EFNA5: variants seen among roughly 807,000 people sequenced by gnomAD.
EFNA5 encodes the protein ephrin A5.
In EFNA5, 5 loss-of-function variants were observed where a neutral mutation model predicts 22.9. The observed-to-expected ratio is 0.22, with a 90% confidence interval of 0.11 to 0.46. The LOEUF (loss-of-function observed/expected upper bound fraction) is 0.46. Ranked by LOEUF, EFNA5 falls within the 20% of genes least tolerant of loss-of-function variation. The pLI, the probability that EFNA5 is intolerant of heterozygous loss-of-function variation, is 0.99. For missense variants in EFNA5, 237 were observed against 293.3 expected, an observed-to-expected ratio of 0.81 and a Z score of 1.40; for synonymous variants, 113 against 112.2, an observed-to-expected ratio of 1.01 and a Z score of -0.04.
At chr5:107,415,615 T>G (rs1211840549) in intron 2 of EFNA5, among the ~76,000 whole-genome samples, 1 of 152,176 alleles carries the variant, frequency 6.6e-6, no homozygotes, top group Non-Finnish European at 1.5e-5. Flanking sequence ...CAAGATCCCC[T>G]CTGTGTAAAA....
chr5:107,497,377 A>C (rs186073281), intron 1 of EFNA5, among the ~76,000 whole-genome samples: 1 of 152,362 alleles, frequency 6.6e-6, no homozygotes, highest in African/African-American at 2.4e-5. Flanking sequence ...CACATCTAGA[A>C]GGTAAACGGA....
At chr5:107,557,478 A>G (rs1273795412) in intron 1 of EFNA5, among the ~76,000 whole-genome samples, 1 of 152,236 alleles carries the variant, frequency 6.6e-6, no homozygotes, top group East Asian at 1.9e-4. Flanking sequence ...GTTGACAGGA[A>G]TTCCGAGACT....
At chr5:107,567,970 C>T (rs1748695864) in intron 1 of EFNA5, among the ~76,000 whole-genome samples, 1 of 152,172 alleles carries the variant, frequency 6.6e-6, no homozygotes, top group Non-Finnish European at 1.5e-5. Flanking sequence ...GATCATGGCT[C>T]ACTGCAGCCT....
At chr5:107,500,036 C>T (rs548698415) in intron 1 of EFNA5, among the ~76,000 whole-genome samples, 7 of 152,322 alleles carry the variant, frequency 4.6e-5, no homozygotes, top group African/African-American at 9.6e-5. Context: ...CAGCACAAAG[C>T]AGTTGTGATT....
At chr5:107,469,980 C>A (rs562515085) in intron 1 of EFNA5, among the ~76,000 whole-genome samples, 29 of 151,978 alleles carry the variant, frequency 1.9e-4, no homozygotes, top group Admixed American at 1.8e-3. Flanking sequence ...AGTGTTAATG[C>A]GAACACCGTT....
intron 2 of EFNA5, among the ~76,000 whole-genome samples, chr5:107,406,937 T>A (rs530547841): frequency 2.0e-5 from 3 of 152,272 alleles, no homozygotes; most frequent in South Asian, 4.1e-4. Context: ...AAAAGTGAAA[T>A]AAAAAGTCTA....
intron 1 of EFNA5, among the ~76,000 whole-genome samples, chr5:107,515,282 C>T (rs1373436632): frequency 6.6e-6 from 1 of 152,044 alleles, no homozygotes; most frequent in Non-Finnish European, 1.5e-5. Flanking sequence ...AGTGATCCGC[C>T]TGCCTCAGCC....
chr5:107,569,702 AT>A lies in EFNA5; in HGVS notation c.125+100786del, dbSNP rs1350165666. Among the ~76,000 whole-genome samples the A allele has an allele frequency of 1.6e-4, 24 of 148,278 alleles. 1 individual carries two copies. The highest frequency in any genetic ancestry group is 1.0e-3 in the Admixed American group (15 of 14,774). ...CCATCTCTACTAAAAATACAAAAAA[AT>A]TAGCCAGGCATGGTGGCATGTGCCT... is the stretch of plus-strand genomic sequence containing the variant. On this transcript the variant is annotated intron_variant, in intron 1 of 4. Coordinates refer to ENST00000333274, the MANE Select transcript of EFNA5 (RefSeq NM_001962.3).
chr5:107,433,920 G>C (rs1037787268), intron 1 of EFNA5, among the ~76,000 whole-genome samples: 1 of 150,094 alleles, frequency 6.7e-6, no homozygotes, highest in Non-Finnish European at 1.5e-5. Context: ...AAAAAAAATT[G>C]CTCCCTGTAC....
intron 1 of EFNA5, among the ~76,000 whole-genome samples, chr5:107,558,206 C>T (rs1380266784): frequency 1.3e-5 from 2 of 151,986 alleles, no homozygotes; most frequent in Non-Finnish European, 2.9e-5. Context: ...AAGCCTAAAA[C>T]TCAAGTTTTA....
intron 1 of EFNA5, among the ~76,000 whole-genome samples, chr5:107,551,866 T>C (rs960014552): frequency 6.6e-6 from 1 of 152,092 alleles, no homozygotes; most frequent in Non-Finnish European, 1.5e-5. Context: ...ATAATTCTTT[T>C]AAGTCTAAGA....
chr5:107,382,460 C>A (rs1747494959), intron 4 of EFNA5, among the ~76,000 whole-genome samples: 1 of 152,170 alleles, frequency 6.6e-6, no homozygotes, highest in Admixed American at 6.5e-5. Context: ...ATAGTCTTGA[C>A]CTCCTGGGCT....
chr5:107,468,735 T>C (rs1336527663), intron 1 of EFNA5, among the ~76,000 whole-genome samples: 1 of 152,158 alleles, frequency 6.6e-6, no homozygotes, highest in East Asian at 1.9e-4. Flanking sequence ...ATTAATTCTT[T>C]GTGTTTTCTT....
chr5:107,491,534 C>T (rs1404470938), intron 1 of EFNA5, among the ~76,000 whole-genome samples: 1 of 152,162 alleles, frequency 6.6e-6, no homozygotes, highest in Non-Finnish European at 1.5e-5. Context: ...TGGTCCGGAA[C>T]TCCTAACCTC....
chr5:107,589,055 T>C (rs528030183), intron 1 of EFNA5, among the ~76,000 whole-genome samples: 2 of 152,324 alleles, frequency 1.3e-5, no homozygotes, highest in African/African-American at 2.4e-5. Context: ...CTACCTGCTA[T>C]GTGGCAGTAT....
chr5:107,456,944 A>T (rs1274473874), intron 1 of EFNA5, among the ~76,000 whole-genome samples: 1 of 152,088 alleles, frequency 6.6e-6, no homozygotes, highest in Non-Finnish European at 1.5e-5. Context: ...TTGTTCTGCT[A>T]GTGTACACTG....
At chr5:107,591,385 C>T (rs764737277) in intron 1 of EFNA5, among the ~76,000 whole-genome samples, 1 of 152,130 alleles carries the variant, frequency 6.6e-6, no homozygotes, top group Non-Finnish European at 1.5e-5. Flanking sequence ...GCTGTACTCT[C>T]CAGCTGACCA....
rs756511085 is a variant in EFNA5 at position 107,427,126 on chromosome 5, C to A, written c.418+91G>T. The A allele has an allele frequency of 2.1e-5, 28 of 1,348,860 alleles. 1 individual carries two copies. In the South Asian group the frequency reaches 3.4e-4, roughly 16 times the overall value. The allele number at this position is 1,348,860 out of a possible 1,614,324, so 83.6% of individuals were successfully genotyped here. A position where few individuals can be genotyped will look rare whatever the true frequency, so the allele number is the denominator to read the frequency against. On this transcript the variant is annotated intron_variant, in intron 2 of 4. Transcript: ENST00000333274. ...CAAGGAGATATCTGTAATGCAGAGT[C>A]CAGCTCTCTGCAATTCTCTGAAACA... is the stretch of plus-strand genomic sequence containing the variant.
At chr5:107,433,822 G>C (rs562837467) in intron 1 of EFNA5, among the ~76,000 whole-genome samples, 14 of 151,690 alleles carry the variant, frequency 9.2e-5, no homozygotes, top group African/African-American at 2.9e-4. Context: ...GATCACTTGA[G>C]CCTCAGAGGC....
Sources: allele counts gnomAD v4.1 joint callset (sites outside exome capture counted in the v4.1 genomes callset), GRCh38; gene constraint gnomAD v4.1.1; transcripts MANE v1.5; gene names NCBI Gene and HGNC (gene_info 2026-07-23, HGNC 2026-07-21).